NLGN1: variants seen among roughly 807,000 people sequenced by gnomAD.
NLGN1 encodes neuroligin 1, also known as neuroligin-1.
In NLGN1, 12 loss-of-function variants were observed where a neutral mutation model predicts 65.5. The observed-to-expected ratio is 0.18, with a 90% CI of 0.12 to 0.30. The LOEUF is 0.30. Among genes scored for constraint, NLGN1 ranks in the 10% least tolerant of loss-of-function variants. NLGN1 has a pLI of 1.00. For missense variants in NLGN1, 750 were observed against 1,007.1 expected (o/e 0.74, Z 3.46); for synonymous variants, 350 against 359.5 (o/e 0.97, Z 0.30).
intron 3 of NLGN1, among the ~76,000 whole-genome samples, chr3:173,682,703 T>A (rs538454515): frequency 6.6e-6 from 1 of 152,248 alleles, no homozygotes; most frequent in Admixed American, 6.5e-5. Flanking sequence ...TTTTGTGAAT[T>A]TTTGCAATCA....
intron 4 of NLGN1, among the ~76,000 whole-genome samples, chr3:173,845,605 T>TA: frequency 7.3e-6 from 1 of 137,168 alleles, no homozygotes; most frequent in Non-Finnish European, 1.6e-5. Context: ...GGTAGGTGGA[T>TA]GGATAGATAG....
At chr3:174,002,092 A>C (rs1349635063) in intron 4 of NLGN1, among the ~76,000 whole-genome samples, 1 of 150,436 alleles carries the variant, frequency 6.6e-6, no homozygotes, top group Non-Finnish European at 1.5e-5. Flanking sequence ...GCCCTACTCA[A>C]AGGCATGAGA....
intron 3 of NLGN1, among the ~76,000 whole-genome samples, chr3:173,750,176 T>A (rs939353593): frequency 1.3e-5 from 2 of 151,384 alleles, no homozygotes; most frequent in Non-Finnish European, 3.0e-5. Context: ...CCTTATCTCC[T>A]TCATATAGGC....
At chr3:173,425,788 T>C (rs1715981669) in intron 1 of NLGN1, among the ~76,000 whole-genome samples, 1 of 152,222 alleles carries the variant, frequency 6.6e-6, no homozygotes, top group Admixed American at 6.5e-5. Context: ...TTTGTTCTTT[T>C]TGCTCAGGAC....
At chr3:173,715,612 C>G (rs901169118) in intron 3 of NLGN1, among the ~76,000 whole-genome samples, 4 of 152,036 alleles carry the variant, frequency 2.6e-5, no homozygotes, top group Admixed American at 2.6e-4. Context: ...CTTTTATTTT[C>G]TCTTCATTTT....
intron 2 of NLGN1, among the ~76,000 whole-genome samples, chr3:173,514,953 G>C (rs1326077708): frequency 1.3e-5 from 2 of 152,132 alleles, no homozygotes; most frequent in African/African-American, 4.8e-5. Context: ...ATTGTGAATA[G>C]TACTGAAATA....
intron 4 of NLGN1, among the ~76,000 whole-genome samples, chr3:173,879,322 T>C (rs1156806085): frequency 6.6e-6 from 1 of 152,190 alleles, no homozygotes; most frequent in Non-Finnish European, 1.5e-5. Context: ...TTCTTCAGAC[T>C]GAACAATTTC....
intron 4 of NLGN1, among the ~76,000 whole-genome samples, chr3:173,839,072 T>A (rs1467834123): frequency 6.7e-6 from 1 of 148,942 alleles, no homozygotes; most frequent in Non-Finnish European, 1.5e-5. Flanking sequence ...TCTTTTTTTT[T>A]AACTTCTTGA....
intron 2 of NLGN1, among the ~76,000 whole-genome samples, chr3:173,453,745 T>G (rs1722030762): frequency 6.6e-6 from 1 of 152,182 alleles, no homozygotes; most frequent in Non-Finnish European, 1.5e-5. Flanking sequence ...TTGCTGTTTT[T>G]ACCAGATCTG....
At chr3:173,597,939 C>G (rs1749773183) in intron 2 of NLGN1, among the ~76,000 whole-genome samples, 1 of 151,838 alleles carries the variant, frequency 6.6e-6, no homozygotes, top group Non-Finnish European at 1.5e-5. Flanking sequence ...ACATTTTTTT[C>G]TGATTTGTTA....
At chr3:174,191,270 A>C (rs538759631) in intron 4 of NLGN1, among the ~76,000 whole-genome samples, 1 of 152,120 alleles carries the variant, frequency 6.6e-6, no homozygotes, top group African/African-American at 2.4e-5. Flanking sequence ...TTGCTCTATC[A>C]AAGTTCTACT....
intron 2 of NLGN1, among the ~76,000 whole-genome samples, chr3:173,453,557 T>G (rs1472533281): frequency 6.6e-6 from 1 of 152,208 alleles, no homozygotes; most frequent in African/African-American, 2.4e-5. Context: ...TTATGTATAT[T>G]CTATATCATT....
chr3:174,075,184 A>T (rs1394749016), intron 4 of NLGN1, among the ~76,000 whole-genome samples: 15 of 152,194 alleles, frequency 9.9e-5, no homozygotes, highest in Admixed American at 9.8e-4. Flanking sequence ...CAATGGTCGA[A>T]CTTAATTTTT....
intron 3 of NLGN1, among the ~76,000 whole-genome samples, chr3:173,748,898 C>T (rs914311081): frequency 6.6e-6 from 1 of 152,006 alleles, no homozygotes; most frequent in Non-Finnish European, 1.5e-5. Context: ...GTGGCTACAC[C>T]TTGATACTAC....
chr3:173,998,806 A>G (rs1722745003), intron 4 of NLGN1, among the ~76,000 whole-genome samples: 1 of 152,108 alleles, frequency 6.6e-6, no homozygotes. Context: ...AAAGCTATCA[A>G]CCCCTGAAAT....
At position 173,520,738 on chromosome 3, in the gene NLGN1, G is replaced by C. The variant is rs536292104; in HGVS notation, c.-320-83541G>C. On this transcript the variant is annotated intron_variant, in intron 2 of 6. Transcript: ENST00000457714. ...TTGGAGAAACAACTGGGTGGAGTTTGTTAAGGAACAAACAAACAGAAGAGA... is the reference window on the plus strand; with the variant it reads ...TTGGAGAAACAACTGGGTGGAGTTTCTTAAGGAACAAACAAACAGAAGAGA... 2.0e-5 allele frequency among the ~76,000 whole-genome samples: 3 copies of C among 152,282 alleles called. No homozygotes were observed. The South Asian group carries it at 6.2e-4, about 32-fold the overall frequency.
intron 2 of NLGN1, among the ~76,000 whole-genome samples, chr3:173,462,389 A>G (rs1723554127): frequency 6.6e-6 from 1 of 151,300 alleles, no homozygotes; most frequent in Non-Finnish European, 1.5e-5. Flanking sequence ...TTTCTTCACA[A>G]AATTTTCTCC....
At chr3:173,476,753 C>G (rs995165348) in intron 2 of NLGN1, among the ~76,000 whole-genome samples, 1 of 152,010 alleles carries the variant, frequency 6.6e-6, no homozygotes, top group African/African-American at 2.4e-5. Context: ...TGGGTCTTTA[C>G]TAGAGATAGA....
chr3:173,622,376 G>C (rs1489511861), intron 3 of NLGN1, among the ~76,000 whole-genome samples: 1 of 152,078 alleles, frequency 6.6e-6, no homozygotes, highest in Non-Finnish European at 1.5e-5. Context: ...TGGTTAGGCT[G>C]TTTCCTGAGA....
Sources: allele counts gnomAD v4.1 joint callset (sites outside exome capture counted in the v4.1 genomes callset), GRCh38; gene constraint gnomAD v4.1.1; transcripts MANE v1.5; gene names NCBI Gene and HGNC (gene_info 2026-07-23, HGNC 2026-07-21).